AKAP19: variants seen among roughly 807,000 people sequenced by gnomAD.
AKAP19 encodes A-kinase anchoring protein 19.
the AKAP19 span, among the ~76,000 whole-genome samples, chr2:190,123,983 C>T: frequency 1.3e-5 from 2 of 152,190 alleles, no homozygotes; most frequent in Non-Finnish European, 2.9e-5. Flanking sequence ...CCAGGGATTT[C>T]TGGACTCAAG....
chr2:189,958,381 C>T, the AKAP19 span, among the ~76,000 whole-genome samples: 1 of 151,742 alleles, frequency 6.6e-6, no homozygotes, highest in Non-Finnish European at 1.5e-5. Flanking sequence ...CAAACATTGA[C>T]AGGAATATGG....
the AKAP19 span, among the ~76,000 whole-genome samples, chr2:189,979,047 C>G: frequency 7.3e-5 from 11 of 151,722 alleles, no homozygotes; most frequent in African/African-American, 2.2e-4. Flanking sequence ...ATAAAATTAC[C>G]AAAGTCATTT....
the AKAP19 span, among the ~76,000 whole-genome samples, chr2:190,034,050 G>A: frequency 1.8e-4 from 28 of 151,840 alleles, no homozygotes; most frequent in East Asian, 1.2e-3. Context: ...AAACCTGCAC[G>A]TTGTGCCCAT....
chr2:190,118,206 G>A, the AKAP19 span, among the ~76,000 whole-genome samples: 9 of 152,260 alleles, frequency 5.9e-5, 1 homozygote, highest in African/African-American at 1.7e-4. Flanking sequence ...AACAGGCTCT[G>A]AAATTGAGGC....
chr2:189,886,397 T>G, the AKAP19 span, among the ~76,000 whole-genome samples: 1 of 152,236 alleles, frequency 6.6e-6, no homozygotes, highest in Admixed American at 6.5e-5. Flanking sequence ...CATTACTTCT[T>G]TCATAAGGAA....
the AKAP19 span, chr2:189,924,128 A>G: frequency 4.2e-5 from 67 of 1,611,452 alleles, 2 homozygotes; most frequent in South Asian, 7.0e-4. Flanking sequence ...TGGGGGGATG[A>G]CCAGCTGGAG....
chr2:189,974,345 A>G, the AKAP19 span, among the ~76,000 whole-genome samples: 1 of 152,262 alleles, frequency 6.6e-6, no homozygotes, highest in East Asian at 1.9e-4. Context: ...TCTGAGAGAC[A>G]GTTTGTTATA....
chr2:190,016,491 G>A, the AKAP19 span, among the ~76,000 whole-genome samples: 122 of 152,292 alleles, frequency 8.0e-4, no homozygotes, highest in Non-Finnish European at 1.6e-3. Context: ...AACATGTGGG[G>A]ATTACGGGGA....
the AKAP19 span, among the ~76,000 whole-genome samples, chr2:190,117,826 G>A: frequency 1.3e-5 from 2 of 152,176 alleles, no homozygotes; most frequent in East Asian, 1.9e-4. Flanking sequence ...CAGACTCTTT[G>A]GATCCACAAT....
chr2:189,970,275 C>G, the AKAP19 span, among the ~76,000 whole-genome samples: 10 of 152,220 alleles, frequency 6.6e-5, no homozygotes, highest in South Asian at 2.1e-3. Flanking sequence ...ATTCCCTCAC[C>G]CAGCTAAGAC....
chr2:190,190,466 T>C, the AKAP19 span, among the ~76,000 whole-genome samples: 1 of 152,224 alleles, frequency 6.6e-6, no homozygotes, highest in Non-Finnish European at 1.5e-5. Flanking sequence ...TGATGGACAT[T>C]TGGGTTGTTT....
At chr2:190,017,650 T>G in the AKAP19 span, among the ~76,000 whole-genome samples, 1 of 152,196 alleles carries the variant, frequency 6.6e-6, no homozygotes. Context: ...TTCATAGATT[T>G]GTCGTTTAAC....
At chr2:189,970,613 T>C in the AKAP19 span, among the ~76,000 whole-genome samples, 1 of 152,350 alleles carries the variant, frequency 6.6e-6, no homozygotes, top group African/African-American at 2.4e-5. Context: ...TTTCATAATC[T>C]GTTTTTCTGT....
At chr2:190,072,206 G>T in the AKAP19 span, among the ~76,000 whole-genome samples, 1 of 152,060 alleles carries the variant, frequency 6.6e-6, no homozygotes, top group African/African-American at 2.4e-5. Context: ...ACAGCTAAAC[G>T]TTGGGTAGTC....
the AKAP19 span, among the ~76,000 whole-genome samples, chr2:189,999,153 A>G: frequency 6.8e-6 from 1 of 147,546 alleles, no homozygotes; most frequent in Non-Finnish European, 1.5e-5. Context: ...TTATTTTTCC[A>G]GTTTTTTTTT....
At chr2:190,012,846 T>G in the AKAP19 span, among the ~76,000 whole-genome samples, 4 of 152,222 alleles carry the variant, frequency 2.6e-5, no homozygotes, top group Non-Finnish European at 4.4e-5. Flanking sequence ...TAAATGCTTT[T>G]TCTGCATCTA....
the AKAP19 span, among the ~76,000 whole-genome samples, chr2:190,038,896 CTTTCTTT>C: frequency 2.8e-5 from 1 of 35,138 alleles, no homozygotes; most frequent in African/African-American, 9.6e-5. Flanking sequence ...TTCTTTCTTT[CTTTCTTT>C]CTTCTTCTTC....
At chr2:189,887,178 C>G in the AKAP19 span, among the ~76,000 whole-genome samples, 1 of 152,102 alleles carries the variant, frequency 6.6e-6, no homozygotes, top group African/African-American at 2.4e-5. Flanking sequence ...GTGTGATGTT[C>G]CCCTCCCTGT....
At chr2:189,914,813 G>A in the AKAP19 span, among the ~76,000 whole-genome samples, 1 of 152,030 alleles carries the variant, frequency 6.6e-6, no homozygotes, top group Non-Finnish European at 1.5e-5. Context: ...TTTTATAGAT[G>A]AGAAAATTGA....
Sources: gnomAD v4.1 joint callset for allele counts (sites outside exome capture counted in the v4.1 genomes callset) on GRCh38, gnomAD v4.1.1 for gene constraint, MANE v1.5 for transcripts, NCBI Gene and HGNC (gene_info 2026-07-23, HGNC 2026-07-21) for gene names.